The following GABRB1 variants were observed in gnomAD, a reference collection of about 807,000 sequenced individuals.
The protein encoded by GABRB1 is gamma-aminobutyric acid type A receptor subunit beta1.
In GABRB1, 17 loss-of-function variants were observed where a neutral mutation model predicts 51.6. The observed-to-expected ratio is 0.33, with a 90% confidence interval of 0.23 to 0.49. The LOEUF (loss-of-function observed/expected upper bound fraction) is 0.49, where lower values mean the gene tolerates loss of function less well. Among genes scored for constraint, GABRB1 ranks in the 20% least tolerant of loss-of-function variants. The probability of loss-of-function intolerance (pLI) is 0.99; values close to 1 mark genes in which losing one functional copy is unlikely to be tolerated. For missense variants in GABRB1, 410 were observed against 600.6 expected (o/e 0.68, Z 3.32); for synonymous variants, 247 against 218.9 (o/e 1.13, Z -1.14).
At chr4:47,167,372 C>G (rs1273723925) in intron 4 of GABRB1, among the ~76,000 whole-genome samples, 2 of 151,920 alleles carry the variant, frequency 1.3e-5, no homozygotes, top group Non-Finnish European at 2.9e-5. Context: ...GAATTTAATT[C>G]TGAGAAGACA....
chr4:47,416,922 G>C (rs1728941173), intron 8 of GABRB1, among the ~76,000 whole-genome samples: 1 of 152,122 alleles, frequency 6.6e-6, no homozygotes, highest in African/African-American at 2.4e-5. Context: ...ACAAGGCATG[G>C]AATATACCTG....
At chr4:47,242,665 G>C (rs1721571626) in intron 4 of GABRB1, among the ~76,000 whole-genome samples, 1 of 152,140 alleles carries the variant, frequency 6.6e-6, no homozygotes, top group Non-Finnish European at 1.5e-5. Flanking sequence ...TCATATGTCT[G>C]TTGGCTGAAT....
rs1352175014 is a variant in GABRB1 at position 47,032,035 on chromosome 4, C to T, written c.172+30C>T. ...CGCTTCATCTTTTTTCAACCTGTAA[C>T]CCATCCTTAGTTCTCCTTTTCTGTC... On this transcript the variant is annotated intron_variant, in intron 2 of 8. Transcript: ENST00000295454. 5 of 1,508,694 alleles carry T rather than the reference C, an allele frequency of 3.3e-6. 1 individual carries two copies. In the East Asian group the frequency reaches 7.4e-5, roughly 22 times the overall value. 93.5% of individuals were successfully genotyped at this position (1,508,694 alleles called of 1,614,324 possible). A position where few individuals can be genotyped will look rare whatever the true frequency, so the allele number is the denominator to read the frequency against.
chr4:47,148,475 G>T (rs1717277857), intron 3 of GABRB1, among the ~76,000 whole-genome samples: 1 of 151,992 alleles, frequency 6.6e-6, no homozygotes, highest in Admixed American at 6.6e-5. Flanking sequence ...AACAATATTT[G>T]CCTTTTAACT....
chr4:47,140,756 G>GT (rs1319508912), intron 3 of GABRB1, among the ~76,000 whole-genome samples: 2 of 146,548 alleles, frequency 1.4e-5, no homozygotes, highest in Non-Finnish European at 1.5e-5. Flanking sequence ...GTTAAGAGTT[G>GT]TTTTTTGTTT....
At chr4:47,337,980 G>A (rs190689960) in intron 5 of GABRB1, among the ~76,000 whole-genome samples, 7 of 152,030 alleles carry the variant, frequency 4.6e-5, no homozygotes, top group African/African-American at 7.2e-5. Flanking sequence ...AATTCTGAGC[G>A]GCTTCAACTT....
intron 3 of GABRB1, among the ~76,000 whole-genome samples, chr4:47,045,060 G>A (rs1447115838): frequency 6.6e-6 from 1 of 152,046 alleles, no homozygotes; most frequent in Non-Finnish European, 1.5e-5. Context: ...AAGGGTTAGG[G>A]TTCTCAGATT....
At chr4:47,283,512 A>C (rs888680956) in intron 4 of GABRB1, among the ~76,000 whole-genome samples, 1 of 149,864 alleles carries the variant, frequency 6.7e-6, no homozygotes, top group Non-Finnish European at 1.5e-5. Context: ...CAGCCTCCCG[A>C]GTAGCTGGGA....
chr4:47,136,603 G>C (rs1177964478), intron 3 of GABRB1, among the ~76,000 whole-genome samples: 1 of 151,978 alleles, frequency 6.6e-6, no homozygotes. Flanking sequence ...TAGTTTAGCT[G>C]AAACTATAGG....
At chr4:47,011,835 G>C (rs533466486) in intron 1 of GABRB1, among the ~76,000 whole-genome samples, 1 of 151,714 alleles carries the variant, frequency 6.6e-6, no homozygotes, top group African/African-American at 2.4e-5. Context: ...TGCTGTATAG[G>C]CTTCTATAAA....
intron 1 of GABRB1, among the ~76,000 whole-genome samples, chr4:47,018,199 T>C (rs1190743773): frequency 1.3e-5 from 2 of 151,580 alleles, no homozygotes; most frequent in Non-Finnish European, 2.9e-5. Flanking sequence ...TTTCTTTTTT[T>C]TTTGGTTTTG....
intron 4 of GABRB1, among the ~76,000 whole-genome samples, chr4:47,232,876 A>ATTTTTTTT (rs11357071): frequency 7.4e-6 from 1 of 135,942 alleles, no homozygotes; most frequent in South Asian, 2.4e-4. Flanking sequence ...TATGATCATC[A>ATTTTTTTT]TTTTTTTTTT....
intron 4 of GABRB1, among the ~76,000 whole-genome samples, chr4:47,172,797 A>G (rs1718499346): frequency 6.6e-6 from 1 of 151,966 alleles, no homozygotes; most frequent in Non-Finnish European, 1.5e-5. Context: ...ATGCGCCACC[A>G]TGCTCAGCTA....
At chr4:47,078,941 A>G (rs1727696709) in intron 3 of GABRB1, among the ~76,000 whole-genome samples, 1 of 152,108 alleles carries the variant, frequency 6.6e-6, no homozygotes, top group Non-Finnish European at 1.5e-5. Flanking sequence ...AAGTAGGGTC[A>G]TTGCATCCCA....
intron 1 of GABRB1, among the ~76,000 whole-genome samples, chr4:47,017,650 A>G (rs1200929466): frequency 1.3e-5 from 2 of 152,044 alleles, no homozygotes; most frequent in African/African-American, 4.8e-5. Context: ...ACACACACAC[A>G]AGCATGCTGG....
intron 4 of GABRB1, among the ~76,000 whole-genome samples, chr4:47,238,846 A>T (rs1343941953): frequency 2.0e-5 from 3 of 152,336 alleles, no homozygotes; most frequent in African/African-American, 7.2e-5. Context: ...TTAAATAAAT[A>T]CTAAGTCTTG....
chr4:47,106,764 G>C (rs2109618523), intron 3 of GABRB1, among the ~76,000 whole-genome samples: 1 of 152,042 alleles, frequency 6.6e-6, no homozygotes, highest in South Asian at 2.1e-4. Context: ...TTAATGTTTA[G>C]TCATCAATGA....
At chr4:47,424,448 C>T (rs145340160) in intron 8 of GABRB1, among the ~76,000 whole-genome samples, 11 of 152,342 alleles carry the variant, frequency 7.2e-5, no homozygotes, top group Non-Finnish European at 7.3e-5. Flanking sequence ...AACTGTACCA[C>T]GGTTGCACCA....
At chr4:47,369,558 C>T (rs1185124824) in intron 5 of GABRB1, among the ~76,000 whole-genome samples, 1 of 152,068 alleles carries the variant, frequency 6.6e-6, no homozygotes, top group African/African-American at 2.4e-5. Context: ...AGCCAACGGG[C>T]AAATCTATCC....
Sources: gnomAD v4.1 joint callset for allele counts (sites outside exome capture counted in the v4.1 genomes callset) on GRCh38, gnomAD v4.1.1 for gene constraint, MANE v1.5 for transcripts, NCBI Gene and HGNC (gene_info 2026-07-23, HGNC 2026-07-21) for gene names.